The following CADM2 variants were observed in gnomAD, a reference collection of about 807,000 sequenced individuals.
CADM2 encodes the protein immunoglobulin superfamily member 4D.
A neutral mutation model predicts 49.8 loss-of-function variants in CADM2; 12 were observed. That is an observed-to-expected ratio of 0.24 (90% CI 0.15 to 0.39). The LOEUF (loss-of-function observed/expected upper bound fraction) is 0.39. Ranked by LOEUF, CADM2 falls within the 10% of genes least tolerant of loss-of-function variation. The probability of loss-of-function intolerance (pLI) is 1.00; values close to 1 mark genes in which losing one functional copy is unlikely to be tolerated. For synonymous variants in CADM2, 214 were observed against 175.4 expected (o/e 1.22, Z -1.74); for missense variants, 378 against 492.3 (o/e 0.77, Z 2.20).
At chr3:85,986,841 G>A (rs749336556) in intron 8 of CADM2, among the ~76,000 whole-genome samples, 75 of 152,196 alleles carry the variant, frequency 4.9e-4, no homozygotes, top group Non-Finnish European at 6.9e-4. Context: ...TGCTTTTGGA[G>A]TGGCTGCAGG....
intron 1 of CADM2, among the ~76,000 whole-genome samples, chr3:85,467,135 A>G (rs533829190): frequency 4.6e-5 from 7 of 152,268 alleles, no homozygotes; most frequent in Non-Finnish European, 1.0e-4. Flanking sequence ...ATTATGTAAA[A>G]GCATTGGAAA....
chr3:85,346,797 A>C (rs1165733588), intron 1 of CADM2, among the ~76,000 whole-genome samples: 1 of 152,202 alleles, frequency 6.6e-6, no homozygotes, highest in African/African-American at 2.4e-5. Flanking sequence ...TACCCAAATA[A>C]ACTAAATTTG....
chr3:85,358,318 T>C (rs941794603), intron 1 of CADM2, among the ~76,000 whole-genome samples: 5 of 152,088 alleles, frequency 3.3e-5, no homozygotes, highest in African/African-American at 9.7e-5. Context: ...TCTAGAATTA[T>C]ATATCTAAGA....
chr3:85,476,505 C>T (rs536607024), intron 1 of CADM2, among the ~76,000 whole-genome samples: 1 of 151,844 alleles, frequency 6.6e-6, no homozygotes, highest in African/African-American at 2.4e-5. Flanking sequence ...TGAATACATT[C>T]AGCCTCTATT....
intron 7 of CADM2, among the ~76,000 whole-genome samples, chr3:85,949,132 T>C (rs963794662): frequency 9.2e-5 from 14 of 151,450 alleles, no homozygotes; most frequent in African/African-American, 3.4e-4. Flanking sequence ...TGTGAGTCAC[T>C]AGTGCAGTGT....
chr3:84,969,371 C>G (rs888734460), intron 1 of CADM2, among the ~76,000 whole-genome samples: 4 of 151,902 alleles, frequency 2.6e-5, no homozygotes, highest in African/African-American at 9.7e-5. Flanking sequence ...CATCTGCCCT[C>G]TATTGATTAT....
At chr3:85,342,757 G>T (rs2030025992) in intron 1 of CADM2, among the ~76,000 whole-genome samples, 1 of 152,100 alleles carries the variant, frequency 6.6e-6, no homozygotes, top group East Asian at 1.9e-4. Context: ...AAAGAAGAAA[G>T]AGTAGTTATG....
intron 8 of CADM2, among the ~76,000 whole-genome samples, chr3:85,973,847 T>C (rs942502007): frequency 3.3e-5 from 5 of 151,664 alleles, no homozygotes; most frequent in Non-Finnish European, 7.4e-5. Context: ...AAGGAAGCAG[T>C]AGATAAACTC....
At chr3:85,853,707 G>C (rs1393882164) in intron 3 of CADM2, among the ~76,000 whole-genome samples, 1 of 151,140 alleles carries the variant, frequency 6.6e-6, no homozygotes, top group Non-Finnish European at 1.5e-5. Context: ...AATTGTTTAA[G>C]AGAAATCATG....
At chr3:85,687,654 A>T (rs2066255774) in intron 1 of CADM2, among the ~76,000 whole-genome samples, 1 of 152,216 alleles carries the variant, frequency 6.6e-6, no homozygotes, top group Non-Finnish European at 1.5e-5. Flanking sequence ...AGGAAGAAAG[A>T]GGAAGACATT....
intron 3 of CADM2, among the ~76,000 whole-genome samples, chr3:85,802,625 G>A (rs983251678): frequency 5.3e-5 from 8 of 152,038 alleles, no homozygotes; most frequent in East Asian, 1.9e-4. Context: ...ACTTTGCTCC[G>A]AAACTAAGAA....
intron 1 of CADM2, among the ~76,000 whole-genome samples, chr3:85,031,805 C>A (rs955872223): frequency 6.6e-6 from 1 of 152,176 alleles, no homozygotes; most frequent in Non-Finnish European, 1.5e-5. Flanking sequence ...CAGACGTGAG[C>A]CACCACGCCC....
chr3:85,307,001 C>T (rs900384181), intron 1 of CADM2, among the ~76,000 whole-genome samples: 2 of 151,556 alleles, frequency 1.3e-5, no homozygotes, highest in Non-Finnish European at 3.0e-5. Context: ...CCCATAGAAA[C>T]GTTGACCTGT....
At chr3:85,704,757 A>G (rs187358734) in intron 1 of CADM2, among the ~76,000 whole-genome samples, 257 of 152,264 alleles carry the variant, frequency 1.7e-3, no homozygotes, top group African/African-American at 5.7e-3. Flanking sequence ...ACATTCAGAT[A>G]CATATGCATA....
intron 1 of CADM2, among the ~76,000 whole-genome samples, chr3:85,046,183 G>A (rs1025641912): frequency 4.6e-5 from 7 of 151,936 alleles, no homozygotes; most frequent in African/African-American, 1.7e-4. Flanking sequence ...TCATTCAATC[G>A]GCCTCTGGTG....
chr3:85,557,386 C>G (rs1002321549), intron 1 of CADM2, among the ~76,000 whole-genome samples: 1 of 151,868 alleles, frequency 6.6e-6, no homozygotes, highest in East Asian at 1.9e-4. Flanking sequence ...GTTATTGAAA[C>G]AGTAGACTCA....
At chr3:85,860,599 A>G (rs1365973695) in intron 3 of CADM2, among the ~76,000 whole-genome samples, 3 of 152,178 alleles carry the variant, frequency 2.0e-5, no homozygotes, top group African/African-American at 4.8e-5. Context: ...TTTCTGGTGC[A>G]TAGATAGCAC....
intron 8 of CADM2, chr3:86,015,171 C>T (rs1732055930): frequency 2.2e-6 from 1 of 460,260 alleles, no homozygotes; most frequent in Admixed American, 4.0e-5. Flanking sequence ...TAAAGAAAAG[C>T]CATATGGTGT....
chr3:85,921,781 T>C (rs1719154789), intron 6 of CADM2, among the ~76,000 whole-genome samples: 1 of 151,918 alleles, frequency 6.6e-6, no homozygotes, highest in African/African-American at 2.4e-5. Flanking sequence ...TCTCGTTACA[T>C]CATCCAATTT....
Sources: allele counts gnomAD v4.1 joint callset (sites outside exome capture counted in the v4.1 genomes callset), GRCh38; gene constraint gnomAD v4.1.1; transcripts MANE v1.5; gene names NCBI Gene and HGNC (gene_info 2026-07-23, HGNC 2026-07-21).